Variants in RBM22 observed in about 807,000 individuals in gnomAD.
RBM22 encodes pre-mRNA-splicing factor RBM22.
RBM22 carries 1 observed loss-of-function variant against 50.1 expected under a neutral mutation model. That is an observed-to-expected ratio of 0.02 (90% CI 0.01 to 0.09). RBM22 has a LOEUF of 0.09. Among genes scored for constraint, RBM22 ranks in the 10% least tolerant of loss-of-function variants. The pLI is 1.00. For missense variants in RBM22, 264 were observed against 529.3 expected, an observed-to-expected ratio of 0.50 and a Z score of 4.92; for synonymous variants, 152 against 179.0, an observed-to-expected ratio of 0.85 and a Z score of 1.20.
In RBM22 at chr5:150,700,660, C is replaced by T. The variant is rs998314917; in HGVS notation, c.55-163G>A. The T allele has an allele frequency of 4.6e-6, 7 of 1,528,486 alleles. No individual in the cohort carries two copies. The African/African-American group carries it at 8.2e-5, about 18-fold the overall frequency. The allele number at this position is 1,528,486 out of a possible 1,614,324, so 94.7% of individuals were successfully genotyped here. ...ATCGCGGGAGGGGGCGCTGTCTGCACTTCCGGCAGGCGGCGGGAGAAAAGA... is the reference window on the plus strand; with the variant it reads ...ATCGCGGGAGGGGGCGCTGTCTGCATTTCCGGCAGGCGGCGGGAGAAAAGA... On this transcript the variant is annotated intron_variant, in intron 1 of 10. Coordinates refer to ENST00000199814, the MANE Select transcript of RBM22 (RefSeq NM_018047.3).
chr5:150,699,749 C>T (rs1348001082), intron 2 of RBM22, among the ~76,000 whole-genome samples: 1 of 152,244 alleles, frequency 6.6e-6, no homozygotes, highest in Non-Finnish European at 1.5e-5. Flanking sequence ...ATGCTTTCCA[C>T]AATCCCTAAA....
Position 150,696,762 on chromosome 5 carries a change from G to C in RBM22, c.372+29C>G, listed in dbSNP as rs376029115. ...TTATACAGACTGTGTCAATTCATTA[G>C]GATTTTTATCCAAAAAGTGGCAGCA... is the stretch of plus-strand genomic sequence containing the variant. On this transcript the variant is annotated intron_variant, in intron 5 of 10. Transcript: ENST00000199814. This position sits in a 1 kb window ranked among gnomAD's most constrained non-coding sequence, Gnocchi z 4.3. The C allele has an allele frequency of 6.9e-5, 111 of 1,613,502 alleles. No individual in the cohort carries two copies. The highest frequency in any genetic ancestry group is 9.0e-5 in the Non-Finnish European group (106 of 1,179,552).
At position 150,691,573 on chromosome 5, in the gene RBM22, T is replaced by C; in HGVS notation, c.*178A>G. 1 of 707,792 alleles carries C rather than the reference T, an allele frequency of 1.4e-6. No homozygotes were observed. The highest frequency in any genetic ancestry group is 2.1e-6 in the Non-Finnish European group (1 of 481,972). The allele number at this position is 707,792 out of a possible 1,614,324, so 43.8% of individuals were successfully genotyped here. Reference sequence around the variant, plus strand: ...TGTGTTAATGGCAGCTTATTTACGGTCCATCGATCCTTTGAACAAGTATAG... The same window carrying C: ...TGTGTTAATGGCAGCTTATTTACGGCCCATCGATCCTTTGAACAAGTATAG... On this transcript the variant is annotated 3_prime_UTR_variant, in exon 11 of 11. Transcript: ENST00000199814.
chr5:150,699,056 T>C (rs115514282), intron 3 of RBM22, among the ~76,000 whole-genome samples, 186 bp downstream of exon 3: 1 of 152,208 alleles, frequency 6.6e-6, no homozygotes, highest in African/African-American at 2.4e-5. Context: ...ATCTCTACAT[T>C]AGAGGGTTCA....
At position 150,698,350 on chromosome 5, in the gene RBM22, A is replaced by G. The variant is rs75974420; in HGVS notation, c.271+149T>C. ...TTCAGGACTCTAGAGTGGCCTAATTATGGTTCTTTTCCTGGGAAAAGCAGA... is the reference window on the plus strand; with the variant it reads ...TTCAGGACTCTAGAGTGGCCTAATTGTGGTTCTTTTCCTGGGAAAAGCAGA... On this transcript the variant is annotated intron_variant, in intron 4 of 10. Coordinates refer to ENST00000199814, the MANE Select transcript of RBM22 (RefSeq NM_018047.3). 4.4e-3 allele frequency: 4,686 copies of G among 1,054,850 alleles called. 155 individuals carry two copies. The African/African-American group carries it at 0.065, about 15-fold the overall frequency. 65.3% of individuals were successfully genotyped at this position (1,054,850 alleles called of 1,614,324 possible).
rs1427770764 is a variant in RBM22, at chr5:150,700,474, T to G, written c.78A>C (p.Thr26=). 6.2e-7 allele frequency: 1 copy of G among 1,614,112 alleles called. No homozygotes were observed. The highest frequency in any genetic ancestry group is 1.7e-5 in the Admixed American group (1 of 60,022). ...EDADFPILCQ[T]CLGENPYIRM... Reference sequence around the variant, plus strand: ...GGATATATGGGTTTTCTCCAAGACATGTCTGGCACAGAATGGGGAAGTCCT... The same window carrying G: ...GGATATATGGGTTTTCTCCAAGACAGGTCTGGCACAGAATGGGGAAGTCCT... Residue 26 remains threonine, a synonymous_variant, in exon 2 of 11, where the codon ACA becomes ACC. Transcript: ENST00000199814.
At position 150,701,005 on chromosome 5, in the gene RBM22, A is replaced by G. The variant is rs375716873; in HGVS notation, c.-20T>C. Reference sequence around the variant, plus strand: ...CGCCATCTTGAGAGCGTCCGGAGGTAGCTGTAGCTTCCGAATTGGGAGAGA... The same window carrying G: ...CGCCATCTTGAGAGCGTCCGGAGGTGGCTGTAGCTTCCGAATTGGGAGAGA... On this transcript the variant is annotated 5_prime_UTR_variant, in exon 1 of 11. Coordinates refer to ENST00000199814, the MANE Select transcript of RBM22 (RefSeq NM_018047.3). 4.1e-5 allele frequency: 66 copies of G among 1,614,188 alleles called. No homozygotes were observed. In the African/African-American group the frequency reaches 7.7e-4, roughly 19 times the overall value.
At chr5:150,695,744 C>T (rs776027049) in intron 6 of RBM22, 38 bp from the exon 7 acceptor site, 33 of 1,511,976 alleles carry the variant, frequency 2.2e-5, no homozygotes, top group Non-Finnish European at 2.9e-5. Context: ...AAAGGTGAAA[C>T]GAAGGTGAAA....
Position 150,696,400 on chromosome 5 carries a change from T to A in RBM22, c.545+133A>T, listed in dbSNP as rs1759276721. On this transcript the variant is annotated intron_variant, in intron 6 of 10. Coordinates refer to ENST00000199814, the MANE Select transcript of RBM22 (RefSeq NM_018047.3). The surrounding 1 kb of genome is among the most constrained non-coding windows in gnomAD (Gnocchi z 4.3). ...CATGCTCTTCTAAATTTCATAGTTC[T>A]AAGACATGAGGTATACCACATTAGT... The A allele has an allele frequency of 9.9e-7, 1 of 1,012,506 alleles. No individual in the cohort carries two copies. The highest frequency in any genetic ancestry group is 1.4e-6 in the Non-Finnish European group (1 of 699,388). 62.7% of individuals were successfully genotyped at this position (1,012,506 alleles called of 1,614,324 possible).
Position 150,700,993 on chromosome 5 carries a change from G to C in RBM22, c.-8C>G. The C allele has an allele frequency of 6.2e-7, 1 of 1,614,244 alleles. No individual in the cohort carries two copies. The highest frequency in any genetic ancestry group is 8.5e-7 in the Non-Finnish European group (1 of 1,180,034). The stretch of plus-strand genomic sequence containing the variant: ...ACCCAGAGAGGTCGCCATCTTGAGA[G>C]CGTCCGGAGGTAGCTGTAGCTTCCG... On this transcript the variant is annotated 5_prime_UTR_variant, in exon 1 of 11. Transcript: ENST00000199814.
chr5:150,699,635 A>C (rs765035144), intron 2 of RBM22, among the ~76,000 whole-genome samples: 4 of 152,224 alleles, frequency 2.6e-5, no homozygotes, highest in Non-Finnish European at 4.4e-5. Flanking sequence ...AAAAAGAAAT[A>C]GAGTATATGC....
chr5:150,694,268 A>C (rs1759245611), intron 7 of RBM22, 28 bp from the exon 8 acceptor site: 1 of 1,600,476 alleles, frequency 6.2e-7, no homozygotes. Context: ...GAGAAAAATG[A>C]AAGTGGGAGT....
rs1224191237 is a variant in RBM22 at position 150,691,511 on chromosome 5, G to A, written c.*240C>T. The A allele has an allele frequency of 3.5e-5, 12 of 340,886 alleles. No homozygotes were observed. The highest frequency in any genetic ancestry group is 1.3e-4 in the South Asian group (1 of 7,846). The allele number at this position is 340,886 out of a possible 1,614,324, so 21.1% of individuals were successfully genotyped here. ...CCCCACACGGGTAAGGGGAACAGGC[G>A]TTCGGTTTTATTAGTCATGTTACAG... On this transcript the variant is annotated 3_prime_UTR_variant, in exon 11 of 11. Transcript: ENST00000199814.
chr5:150,691,523 T>TA lies in RBM22; in HGVS notation c.*227dup. 2.6e-6 allele frequency: 1 copy of TA among 390,576 alleles called. No individual in the cohort carries two copies. Among genetic ancestry groups the TA allele is most frequent in the Non-Finnish European group, 4.3e-6 (1 of 231,074 alleles). 24.2% of individuals were successfully genotyped at this position (390,576 alleles called of 1,614,324 possible). ...AAGGGGAACAGGCGTTCGGTTTTAT[T>TA]AGTCATGTTACAGCAGTAACCAGAT... On this transcript the variant is annotated 3_prime_UTR_variant, in exon 11 of 11. Coordinates refer to ENST00000199814, the MANE Select transcript of RBM22 (RefSeq NM_018047.3).
At chr5:150,698,433 C>CA in intron 4 of RBM22, 66 bp downstream of exon 4, 1 of 1,565,608 alleles carries the variant, frequency 6.4e-7, no homozygotes, top group Non-Finnish European at 8.7e-7. Context: ...AAGTGGGAGA[C>CA]AAAAGACTGA....
At chr5:150,699,215 T>A in intron 3 of RBM22, 27 bp downstream of exon 3, 1 of 1,579,244 alleles carries the variant, frequency 6.3e-7, no homozygotes, top group Non-Finnish European at 8.6e-7. Context: ...GAAACAGAAA[T>A]CATTACTCTT....
rs748463803 is a variant in RBM22, at chr5:150,691,864, A to G, written c.1150T>C (p.Phe384Leu). ...GGAGGGGGTGGTCCCATTGGGTGGA[A>G]CATGTGTGGCCCAAAACCTGCAGAT... ...PPPPGFGPHM[F>L]HPMGPPPPFM... The change falls in exon 11 of 11, where the codon TTC becomes CTC. Residue 384 changes from phenylalanine to leucine, a missense_variant. By Grantham distance (22) the Phe-to-Leu change is conservative (BLOSUM62 0). Transcript: ENST00000199814. 1 of 1,592,730 alleles carries G rather than the reference A, an allele frequency of 6.3e-7. No individual in the cohort carries two copies. The highest frequency in any genetic ancestry group is 8.5e-7 in the Non-Finnish European group (1 of 1,170,268).
chr5:150,698,740 G>A, intron 3 of RBM22, 109 bp from the exon 4 acceptor site: 1 of 1,371,934 alleles, frequency 7.3e-7, no homozygotes, highest in Non-Finnish European at 9.8e-7. Flanking sequence ...GTAGGATTTA[G>A]AAGAGACCTT....
chr5:150,696,993 A>T lies in RBM22; in HGVS notation c.272-102T>A, dbSNP rs970549830. The T allele has an allele frequency of 4.1e-5, 45 of 1,103,622 alleles. No homozygotes were observed. The Middle Eastern group carries it at 9.4e-4, about 23-fold the overall frequency. 68.4% of individuals were successfully genotyped at this position (1,103,622 alleles called of 1,614,324 possible). A position where few individuals can be genotyped will look rare whatever the true frequency, so the allele number is the denominator to read the frequency against. ...TCATCTTTCCCTTCTCCTCTTTCCT[A>T]TTTAGTACCAGAGACTTTACTATGT... On this transcript the variant is annotated intron_variant, in intron 4 of 10. Coordinates refer to ENST00000199814, the MANE Select transcript of RBM22 (RefSeq NM_018047.3). This position sits in a 1 kb window ranked among gnomAD's most constrained non-coding sequence, Gnocchi z 4.3.
Sources: gnomAD v4.1 joint callset for allele counts (sites outside exome capture counted in the v4.1 genomes callset) on GRCh38, gnomAD v4.1.1 for gene constraint, Gnocchi (gnomAD v3.1) non-coding constraint, MANE v1.5 for transcripts, NCBI Gene and HGNC (gene_info 2026-07-23, HGNC 2026-07-21) for gene names.